The following HDAC9 variants were observed in gnomAD, a reference collection of about 807,000 sequenced individuals.
The protein encoded by HDAC9 is MEF-2 interacting transcription repressor (MITR) protein.
In HDAC9, 41 loss-of-function variants were observed where a neutral mutation model predicts 139.4. That is an observed-to-expected ratio of 0.29 (90% CI 0.23 to 0.38). The LOEUF is 0.38. Among genes scored for constraint, HDAC9 ranks in the 10% least tolerant of loss-of-function variants. The pLI, the probability that HDAC9 is intolerant of heterozygous loss-of-function variation, is 1.00. For synonymous variants in HDAC9, 517 were observed against 476.2 expected, an observed-to-expected ratio of 1.09 and a Z score of -1.12; for missense variants, 1,147 against 1,297.0, an observed-to-expected ratio of 0.88 and a Z score of 1.78.
chr7:18,991,964 G>A (rs1359274675), intron 25 of HDAC9, among the ~76,000 whole-genome samples: 1 of 152,206 alleles, frequency 6.6e-6, no homozygotes, highest in Non-Finnish European at 1.5e-5. Flanking sequence ...ACAGTACACA[G>A]TCAGCAACTT....
At chr7:18,818,667 C>T (rs571968670) in intron 17 of HDAC9, among the ~76,000 whole-genome samples, 25 of 152,298 alleles carry the variant, frequency 1.6e-4, no homozygotes, top group African/African-American at 5.8e-4. Context: ...ATCATCTTGA[C>T]GTTTTGTTCT....
chr7:18,181,662 C>A (rs1199804578), intron 2 of HDAC9, among the ~76,000 whole-genome samples: 1 of 152,112 alleles, frequency 6.6e-6, no homozygotes, highest in Non-Finnish European at 1.5e-5. Context: ...TCAACCCTGG[C>A]TGCACATCAG....
chr7:18,878,637 A>G (rs2129252089), intron 22 of HDAC9, among the ~76,000 whole-genome samples: 1 of 152,292 alleles, frequency 6.6e-6, no homozygotes, highest in South Asian at 2.1e-4. Flanking sequence ...CTCTAAATAA[A>G]CTAGGTATTG....
intron 1 of HDAC9, among the ~76,000 whole-genome samples, chr7:18,372,467 C>T (rs1056051727): frequency 6.6e-6 from 1 of 152,164 alleles, no homozygotes; most frequent in African/African-American, 2.4e-5. Flanking sequence ...TGTATTTTCC[C>T]TTAAGTGAAG....
chr7:18,827,853 T>C (rs1185123221), intron 17 of HDAC9, among the ~76,000 whole-genome samples: 4 of 152,172 alleles, frequency 2.6e-5, no homozygotes, highest in Non-Finnish European at 4.4e-5. Flanking sequence ...TGCAGCACTC[T>C]ATAGTGTCAA....
chr7:18,280,632 C>A lies in HDAC9; in HGVS notation c.25+118283C>A, dbSNP rs148192957. 2.9e-3 allele frequency among the ~76,000 whole-genome samples: 431 copies of A among 150,748 alleles called. 5 individuals are homozygous for A. The highest frequency in any genetic ancestry group is 9.7e-3 in the African/African-American group (399 of 41,054). On this transcript the variant is annotated intron_variant, in intron 2 of 12. Transcript: ENST00000417496. Reference sequence around the variant, plus strand: ...CAAAAAAAATAGCTGGCGTGTTGGCCTGCACTTATAGTCCCAGCTACTCAG... The same window carrying A: ...CAAAAAAAATAGCTGGCGTGTTGGCATGCACTTATAGTCCCAGCTACTCAG...
chr7:18,810,843 T>C (rs1794118327), intron 17 of HDAC9, among the ~76,000 whole-genome samples: 2 of 151,922 alleles, frequency 1.3e-5, no homozygotes, highest in Admixed American at 6.6e-5. Context: ...GCATGGGAGT[T>C]TGTTAACTTT....
chr7:18,778,693 A>G (rs1211071259), intron 16 of HDAC9, among the ~76,000 whole-genome samples: 2 of 152,056 alleles, frequency 1.3e-5, no homozygotes, highest in Non-Finnish European at 2.9e-5. Flanking sequence ...AACCCACAGG[A>G]ATCCATATAT....
At chr7:18,924,601 G>A (rs574208960) in intron 22 of HDAC9, among the ~76,000 whole-genome samples, 2 of 152,264 alleles carry the variant, frequency 1.3e-5, no homozygotes, top group African/African-American at 4.8e-5. Flanking sequence ...TTAGAAGGCA[G>A]CGGTTTTGTT....
At chr7:18,736,352 T>C (rs1437218872) in intron 13 of HDAC9, among the ~76,000 whole-genome samples, 1 of 152,228 alleles carries the variant, frequency 6.6e-6, no homozygotes, top group African/African-American at 2.4e-5. Flanking sequence ...GCCCATTCAG[T>C]ATGATACTGG....
chr7:18,617,249 A>G (rs1341847804), intron 6 of HDAC9, among the ~76,000 whole-genome samples: 1 of 152,070 alleles, frequency 6.6e-6, no homozygotes, highest in Non-Finnish European at 1.5e-5. Context: ...CCTACCCTCT[A>G]AAAGAGCCAT....
chr7:18,561,922 C>T (rs546374375), intron 2 of HDAC9, among the ~76,000 whole-genome samples: 3 of 152,172 alleles, frequency 2.0e-5, no homozygotes, highest in African/African-American at 4.8e-5. Context: ...TACAAGTTTT[C>T]GTGTGGATGT....
At chr7:18,254,548 G>T (rs1313510090) in intron 2 of HDAC9, among the ~76,000 whole-genome samples, 1 of 152,174 alleles carries the variant, frequency 6.6e-6, no homozygotes, top group Admixed American at 6.5e-5. Flanking sequence ...TTTCCAGTTG[G>T]CTAGAGTAGC....
intron 1 of HDAC9, among the ~76,000 whole-genome samples, chr7:18,098,021 A>G (rs1439560044): frequency 6.6e-6 from 1 of 152,134 alleles, no homozygotes; most frequent in African/African-American, 2.4e-5. Flanking sequence ...TTTTTCTCCA[A>G]TTGTTTTCTT....
intron 11 of HDAC9, among the ~76,000 whole-genome samples, chr7:18,657,109 T>A (rs1791484391): frequency 6.6e-6 from 1 of 152,156 alleles, no homozygotes; most frequent in Non-Finnish European, 1.5e-5. Context: ...TCATCTTTTG[T>A]CCGTTTTAAA....
At chr7:18,814,258 T>C (rs1794404008) in intron 17 of HDAC9, among the ~76,000 whole-genome samples, 1 of 152,202 alleles carries the variant, frequency 6.6e-6, no homozygotes, top group Admixed American at 6.5e-5. Context: ...AAATAAATTA[T>C]AGTCTTTAGC....
At chr7:18,788,599 A>C (rs892580943) in intron 16 of HDAC9, among the ~76,000 whole-genome samples, 1 of 152,018 alleles carries the variant, frequency 6.6e-6, no homozygotes, top group Admixed American at 6.6e-5. Flanking sequence ...TACTAAAAAT[A>C]CAAAAATTAA....
chr7:18,676,905 TTTAAA>T (rs1190606453), intron 12 of HDAC9, among the ~76,000 whole-genome samples: 1 of 151,956 alleles, frequency 6.6e-6, no homozygotes, highest in African/African-American at 2.4e-5. Context: ...TGGCATGCTG[TTTAAA>T]TTAAAATTTT....
chr7:18,121,635 C>T (rs1235346078), intron 1 of HDAC9, among the ~76,000 whole-genome samples: 1 of 151,574 alleles, frequency 6.6e-6, no homozygotes, highest in African/African-American at 2.4e-5. Flanking sequence ...TTTAAGGGAG[C>T]AGTACACAGA....
Sources: allele counts gnomAD v4.1 joint callset (sites outside exome capture counted in the v4.1 genomes callset), GRCh38; gene constraint gnomAD v4.1.1; transcripts MANE v1.5; gene names NCBI Gene and HGNC (gene_info 2026-07-23, HGNC 2026-07-21).